The following SANBR variants were observed in gnomAD, a reference collection of about 807,000 sequenced individuals.
SANBR encodes the protein SANT and BTB domain regulator of class switch recombination.
SANBR carries 77 observed loss-of-function variants against 101.8 expected under a neutral mutation model. The observed-to-expected ratio is 0.76, with a 90% confidence interval of 0.63 to 0.91. The LOEUF (loss-of-function observed/expected upper bound fraction) is 0.91. Ranked by LOEUF, SANBR falls within the 40% of genes least tolerant of loss-of-function variation. The pLI is 0.00. For synonymous variants in SANBR, 279 were observed against 274.7 expected (o/e 1.02, Z -0.15); for missense variants, 875 against 853.0 (o/e 1.03, Z -0.32).
chr2:61,092,869 C>T (rs1682839286), intron 11 of SANBR, among the ~76,000 whole-genome samples: 1 of 151,808 alleles, frequency 6.6e-6, no homozygotes. Context: ...TATGGTGGCT[C>T]ATGCCTCTAA....
intron 16 of SANBR, among the ~76,000 whole-genome samples, chr2:61,113,511 T>A (rs1285391530): frequency 6.6e-6 from 1 of 152,188 alleles, no homozygotes; most frequent in East Asian, 1.9e-4. Context: ...CTCAACAATG[T>A]TTTGTAGTTT....
chr2:61,091,894 A>C (rs1159041387), intron 10 of SANBR, among the ~76,000 whole-genome samples: 2 of 152,300 alleles, frequency 1.3e-5, no homozygotes, highest in East Asian at 3.9e-4. Flanking sequence ...CCAAGACCTG[A>C]TTGTATATTC....
chr2:61,091,504 G>A (rs1177525882), intron 10 of SANBR, among the ~76,000 whole-genome samples: 1 of 151,620 alleles, frequency 6.6e-6, no homozygotes, highest in African/African-American at 2.4e-5. Context: ...TGAGGCAGGA[G>A]AATCGCTTGA....
chr2:61,087,599 C>A (rs1292773662), intron 8 of SANBR, among the ~76,000 whole-genome samples: 1 of 152,026 alleles, frequency 6.6e-6, no homozygotes, highest in African/African-American at 2.4e-5. Context: ...CGCCTGTAAT[C>A]CCAGTACTTT....
chr2:61,077,596 AAAAG>A (rs924271155), intron 6 of SANBR, among the ~76,000 whole-genome samples: 4 of 152,118 alleles, frequency 2.6e-5, no homozygotes, highest in African/African-American at 9.7e-5. Flanking sequence ...AAGAAAAAAA[AAAAG>A]AAAAGAAAAA....
intron 2 of SANBR, among the ~76,000 whole-genome samples, chr2:61,070,063 C>G (rs1681380823): frequency 6.6e-6 from 1 of 152,124 alleles, no homozygotes; most frequent in South Asian, 2.1e-4. Context: ...AAATTGGGGA[C>G]TCTGTCTCTA....
intron 15 of SANBR, among the ~76,000 whole-genome samples, 155 bp from the exon 16 acceptor site, chr2:61,109,042 C>A (rs1683696996): frequency 6.6e-6 from 1 of 152,026 alleles, no homozygotes; most frequent in Non-Finnish European, 1.5e-5. Flanking sequence ...TATAAAAATT[C>A]TTATGTCTAT....
At chr2:61,087,485 G>A (rs932217424) in intron 8 of SANBR, among the ~76,000 whole-genome samples, 15 of 151,748 alleles carry the variant, frequency 9.9e-5, no homozygotes, top group Admixed American at 8.6e-4. Context: ...CTGATCCCAG[G>A]AGTTTGAGGC....
At chr2:61,135,205 A>G (rs577257899) in intron 21 of SANBR, among the ~76,000 whole-genome samples, 1 of 152,358 alleles carries the variant, frequency 6.6e-6, no homozygotes, top group East Asian at 1.9e-4. Flanking sequence ...TGTGTCTAAT[A>G]TATTTGCCCA....
rs549342135 is a variant in SANBR, at chr2:61,088,765, C to T, written c.1088+297C>T. The T allele has an allele frequency of 3.4e-5, 21 of 611,102 alleles. 1 individual carries two copies. The South Asian group carries it at 5.9e-4, about 17-fold the overall frequency. 37.9% of individuals were successfully genotyped at this position (611,102 alleles called of 1,614,324 possible). ...CGAACTCCTGACCTCATGATTTGCC[C>T]GCCTTGGCCTCCCAAAGTACTGGGA... On this transcript the variant is annotated intron_variant, in intron 10 of 21. Transcript: ENST00000402291.
rs770030896 is a variant in SANBR at position 61,134,218 on chromosome 2, G to A, written c.2110G>A (p.Val704Met). The change falls in exon 21 of 22, where the codon GTG becomes ATG. Residue 704 changes from valine (V) to methionine (M), a missense_variant. Val to Met is a conservative substitution (Grantham distance 21). Coordinates refer to the SANBR transcript ENST00000295031. ...TTTGAGCAGTGTGCTCTTGATGACA[G>A]TGTTGCTGTGTTAAACGAATTAATA... The A allele has an allele frequency of 1.9e-6, 3 of 1,606,448 alleles. No individual in the cohort carries two copies. In the South Asian group the frequency reaches 3.3e-5, roughly 18 times the overall value.
At chr2:61,070,310 T>C in intron 2 of SANBR, 32 bp from the exon 3 acceptor site, 1 of 1,507,540 alleles carries the variant, frequency 6.6e-7, no homozygotes, top group African/African-American at 1.4e-5. Context: ...ATTTCGGGTT[T>C]AAATAAAGCT....
intron 6 of SANBR, among the ~76,000 whole-genome samples, chr2:61,080,988 T>C (rs1254452891): frequency 6.6e-6 from 1 of 152,184 alleles, no homozygotes; most frequent in Non-Finnish European, 1.5e-5. Flanking sequence ...AGGAAGTAAG[T>C]TTAGGACTCT....
chr2:61,134,267 T>G (rs757163437), exon 21 of SANBR: 1 of 1,562,270 alleles, frequency 6.4e-7, no homozygotes, highest in Non-Finnish European at 8.7e-7. Flanking sequence ...GGAATACTGC[T>G]TGACATATCG....
At chr2:61,093,663 A>T (rs1264941841) in intron 11 of SANBR, among the ~76,000 whole-genome samples, 1 of 152,104 alleles carries the variant, frequency 6.6e-6, no homozygotes, top group African/African-American at 2.4e-5. Context: ...AACAATTATT[A>T]AAAAATCCTT....
chr2:61,096,239 C>G (rs1331031126), intron 11 of SANBR, among the ~76,000 whole-genome samples: 1 of 152,158 alleles, frequency 6.6e-6, no homozygotes, highest in East Asian at 1.9e-4. Context: ...ACCAATGGTG[C>G]CCCCTGCACA....
chr2:61,066,402 C>T (rs780187800), intron 1 of SANBR: 3 of 152,622 alleles, frequency 2.0e-5, no homozygotes, highest in Non-Finnish European at 4.4e-5. Context: ...GGGAGCGGGG[C>T]GCGAAGGTCT....
At chr2:61,087,647 C>A (rs1231387137) in intron 8 of SANBR, among the ~76,000 whole-genome samples, 1 of 151,976 alleles carries the variant, frequency 6.6e-6, no homozygotes, top group Admixed American at 6.6e-5. Context: ...GTCAAGAGAT[C>A]GAGACCATCC....
At chr2:61,098,463 T>G (rs1488566787) in intron 12 of SANBR, among the ~76,000 whole-genome samples, 1 of 152,160 alleles carries the variant, frequency 6.6e-6, no homozygotes, top group Non-Finnish European at 1.5e-5. Flanking sequence ...GTAATTTGCC[T>G]TTTTTACTCA....
Sources: gnomAD v4.1 joint callset for allele counts (sites outside exome capture counted in the v4.1 genomes callset) on GRCh38, gnomAD v4.1.1 for gene constraint, MANE v1.5 for transcripts, NCBI Gene and HGNC (gene_info 2026-07-23, HGNC 2026-07-21) for gene names.